Variants in APTX observed in about 807,000 individuals in gnomAD.
The protein encoded by APTX is forkhead-associated domain histidine triad-like protein.
APTX carries 33 observed loss-of-function variants against 42.3 expected under a neutral mutation model. The ratio of observed to expected loss-of-function variants is 0.78; its 90% CI spans 0.59 to 1.04. APTX has a LOEUF of 1.04. APTX is among the 50% of genes least tolerant of loss of function. The pLI is 0.00. For missense variants in APTX, 421 were observed against 415.1 expected (o/e 1.01, Z -0.12); for synonymous variants, 130 against 146.7 (o/e 0.89, Z 0.82).
Position 33,000,625 on chromosome 9 carries a change from CAAAAAAAAAA to C in APTX, c.-5+932_-5+941del, listed in dbSNP as rs60760701. On this transcript the variant is annotated intron_variant, in intron 1 of 7. Transcript: ENST00000379817. Reference sequence around the variant, plus strand: ...TGGGTAACAGAGTGAGACTCTGTCTCAAAAAAAAAAAAAAAAAAAAAAGAAAAGAAAAGAA... The same window carrying C: ...TGGGTAACAGAGTGAGACTCTGTCTCAAAAAAAAAAAAGAAAAGAAAAGAA... 2.3e-3 allele frequency among the ~76,000 whole-genome samples: 143 copies of C among 63,442 alleles called. 2 individuals are homozygous for C. The highest frequency in any genetic ancestry group is 8.2e-3 in the African/African-American group (140 of 16,996). The allele number at this position is 63,442 out of a possible 152,430, so 41.6% of individuals were successfully genotyped here.
At chr9:33,021,665 C>T (rs149426985) in intron 1 of APTX, among the ~76,000 whole-genome samples, 201 of 150,470 alleles carry the variant, frequency 1.3e-3, no homozygotes, top group African/African-American at 4.6e-3. Flanking sequence ...TCTGCACATA[C>T]AAAAAAAAGG....
In APTX at chr9:32,973,040, C is replaced by T. The variant is rs1440119031; in HGVS notation, c.*458G>A. The T allele has an allele frequency of 2.2e-6, 1 of 454,338 alleles. No homozygotes were observed. The highest frequency in any genetic ancestry group is 6.9e-4 in the Middle Eastern group (1 of 1,444). 28.1% of individuals were successfully genotyped at this position (454,338 alleles called of 1,614,324 possible). On this transcript the variant is annotated 3_prime_UTR_variant, in exon 8 of 8. Transcript: ENST00000379817. The stretch of plus-strand genomic sequence containing the variant: ...AGGAAGGGAAAAGAATATTACAAAA[C>T]AGACTAACAGAAAACAAGACCCATC...
intron 1 of APTX, among the ~76,000 whole-genome samples, chr9:33,001,152 C>G (rs1587604784): frequency 6.6e-6 from 1 of 151,034 alleles, no homozygotes; most frequent in African/African-American, 2.4e-5. Flanking sequence ...CGGCCAAGGA[C>G]TGCTTCTTCT....
At chr9:32,990,713 C>T (rs1037267948) in intron 1 of APTX, among the ~76,000 whole-genome samples, 1 of 152,010 alleles carries the variant, frequency 6.6e-6, no homozygotes, top group African/African-American at 2.4e-5. Flanking sequence ...AAAGGCTTCA[C>T]GAGGAAGGGA....
rs984605307 is a variant in APTX, at chr9:32,984,954, T to G, written c.544-97A>C. ...ACTAAGTCACTTAATTCCCACAGTC[T>G]TGTGCAAATGGTTTTAATAGCCCAG... is the stretch of plus-strand genomic sequence containing the variant. On this transcript the variant is annotated intron_variant, in intron 5 of 7. Transcript: ENST00000379817. 7 of 1,179,590 alleles carry G rather than the reference T, an allele frequency of 5.9e-6. No homozygotes were observed. In the African/African-American group the frequency reaches 6.1e-5, roughly 10 times the overall value. 73.1% of individuals were successfully genotyped at this position (1,179,590 alleles called of 1,614,324 possible). A position where few individuals can be genotyped will look rare whatever the true frequency, so the allele number is the denominator to read the frequency against.
chr9:32,973,670 A>G lies in APTX; in HGVS notation c.875-18T>C. The G allele has an allele frequency of 6.2e-7, 1 of 1,613,314 alleles. No homozygotes were observed. The highest frequency in any genetic ancestry group is 8.5e-7 in the Non-Finnish European group (1 of 1,179,942). On this transcript the variant is annotated intron_variant, in intron 7 of 7. Transcript: ENST00000379817. ...GATCACAGCTGCAGGCAAGGAAGAA[A>G]AGTCAAATCCCAGCTACTCTGGAAA...
At chr9:32,984,376 A>G (rs573366118) in intron 6 of APTX, among the ~76,000 whole-genome samples, 12 of 152,334 alleles carry the variant, frequency 7.9e-5, no homozygotes, top group African/African-American at 2.6e-4. Context: ...TCTAGTTCAT[A>G]TATTAGGCTC....
chr9:33,009,638 G>C (rs896406634), intron 1 of APTX, among the ~76,000 whole-genome samples: 1 of 151,992 alleles, frequency 6.6e-6, no homozygotes, highest in African/African-American at 2.4e-5. Context: ...ACTTAGCCGG[G>C]CACGGTGGTA....
intron 1 of APTX, among the ~76,000 whole-genome samples, chr9:33,007,768 TAAAAA>T (rs924231268): frequency 6.8e-6 from 1 of 146,058 alleles, no homozygotes; most frequent in Admixed American, 6.8e-5. Flanking sequence ...AAAACGATAT[TAAAAA>T]AAAAAAGTAG....
chr9:32,997,687 T>C (rs1835277010), intron 1 of APTX, among the ~76,000 whole-genome samples: 2 of 152,192 alleles, frequency 1.3e-5, no homozygotes, highest in Admixed American at 6.5e-5. Flanking sequence ...TCAGTGTTGC[T>C]GGAACCTAAA....
upstream of APTX, among the ~76,000 whole-genome samples, chr9:33,004,645 T>C (rs2119185239): frequency 6.7e-6 from 1 of 148,738 alleles, no homozygotes; most frequent in Admixed American, 6.7e-5. Flanking sequence ...TTTTTTTTTT[T>C]TTTTTGAGAT....
intron 1 of APTX, among the ~76,000 whole-genome samples, chr9:33,010,045 C>T (rs1289004489): frequency 6.6e-6 from 1 of 152,160 alleles, no homozygotes; most frequent in Non-Finnish European, 1.5e-5. Flanking sequence ...TGGGTTGAAA[C>T]TTAGAAAACT....
chr9:33,016,329 C>T (rs1837896979), intron 1 of APTX: 1 of 152,144 alleles, frequency 6.6e-6, no homozygotes, highest in Admixed American at 6.5e-5. Context: ...AGCTTTTTTT[C>T]TTAAGCGTTT....
At chr9:32,987,461 G>T in intron 4 of APTX, 83 bp downstream of exon 4, 1 of 1,564,718 alleles carries the variant, frequency 6.4e-7, no homozygotes, top group Non-Finnish European at 8.7e-7. Context: ...ACGCATTTCT[G>T]AACTTTAAAG....
At chr9:32,989,681 T>A in intron 2 of APTX, 78 bp downstream of exon 2, 1 of 1,606,164 alleles carries the variant, frequency 6.2e-7, no homozygotes. Flanking sequence ...TCCATCAAGA[T>A]CACCCAGAAA....
upstream of APTX, among the ~76,000 whole-genome samples, chr9:33,005,613 T>C (rs1038465259): frequency 6.7e-6 from 1 of 149,448 alleles, no homozygotes; most frequent in African/African-American, 2.5e-5. Flanking sequence ...ATTTTTTTTT[T>C]AATAGAGACA....
Position 33,016,857 on chromosome 9 carries a change from G to A in APTX, c.-5+8166C>T, listed in dbSNP as rs865995039. On this transcript the variant is annotated intron_variant, in intron 1 of 6. Coordinates refer to the APTX transcript ENST00000436040. The stretch of plus-strand genomic sequence containing the variant: ...TGGGCTGGACGTTCTAAGAGGCCAG[G>A]AACCATCTCCGCTTTTTCACAACTA... Among the ~76,000 whole-genome samples, 92 of 152,250 alleles carry A rather than the reference G, an allele frequency of 6.0e-4. 1 individual carries two copies. Among genetic ancestry groups the A allele is most frequent in the African/African-American group, 2.1e-3 (89 of 41,528 alleles).
intron 1 of APTX, among the ~76,000 whole-genome samples, chr9:33,014,188 G>A (rs1473909958): frequency 1.3e-5 from 2 of 152,228 alleles, no homozygotes; most frequent in Admixed American, 6.5e-5. Context: ...CAACCTGGAT[G>A]TAGGAGTCTA....
rs1828439263 is a variant in APTX, at chr9:32,973,136, G to C, written c.*362C>G. On this transcript the variant is annotated 3_prime_UTR_variant, in exon 8 of 8. Transcript: ENST00000379817. The stretch of plus-strand genomic sequence containing the variant: ...AAGGTTGTCCATGCCTACAGAGGCG[G>C]AGGATAAATCTAAGAAACAGAAATG... 1.1e-5 allele frequency: 5 copies of C among 463,350 alleles called. No homozygotes were observed. The highest frequency in any genetic ancestry group is 2.1e-5 in the Non-Finnish European group (5 of 233,122). 28.7% of individuals were successfully genotyped at this position (463,350 alleles called of 1,614,324 possible).
Sources: allele counts gnomAD v4.1 joint callset (sites outside exome capture counted in the v4.1 genomes callset), GRCh38; gene constraint gnomAD v4.1.1; transcripts MANE v1.5; gene names NCBI Gene and HGNC (gene_info 2026-07-23, HGNC 2026-07-21).